Variants in DCC observed in about 807,000 individuals in gnomAD.
DCC encodes the protein DCC netrin 1 receptor, also known as netrin receptor DCC.
In DCC, 58 loss-of-function variants were observed where a neutral mutation model predicts 172.5. The observed-to-expected ratio is 0.34, with a 90% CI of 0.27 to 0.42. The LOEUF (loss-of-function observed/expected upper bound fraction) is 0.42. Ranked by LOEUF, DCC falls within the 10% of genes least tolerant of loss-of-function variation. The probability of loss-of-function intolerance (pLI) is 1.00; values close to 1 mark genes in which losing one functional copy is unlikely to be tolerated. For synonymous variants in DCC, 709 were observed against 644.5 expected (o/e 1.10, Z -1.52); for missense variants, 1,740 against 1,791.0 (o/e 0.97, Z 0.51).
At chr18:53,394,347 A>G (rs190118667) in intron 17 of DCC, among the ~76,000 whole-genome samples, 1 of 152,318 alleles carries the variant, frequency 6.6e-6, no homozygotes, top group East Asian at 1.9e-4. Context: ...CTAGAGCAGG[A>G]TCTCAGGTGA....
chr18:52,883,152 G>A (rs2039511935), intron 2 of DCC, among the ~76,000 whole-genome samples: 1 of 151,896 alleles, frequency 6.6e-6, no homozygotes, highest in African/African-American at 2.4e-5. Context: ...CTTTACAGGT[G>A]AGATGTGGTT....
intron 9 of DCC, among the ~76,000 whole-genome samples, chr18:53,189,370 T>C (rs2055333594): frequency 6.6e-6 from 1 of 152,016 alleles, no homozygotes; most frequent in Non-Finnish European, 1.5e-5. Flanking sequence ...TCAATGTTAG[T>C]AAGTTTTCAC....
intron 9 of DCC, among the ~76,000 whole-genome samples, chr18:53,180,195 C>A (rs2055173338): frequency 6.6e-6 from 1 of 152,130 alleles, no homozygotes; most frequent in Non-Finnish European, 1.5e-5. Context: ...AGTGCACTTT[C>A]CACAGAATCT....
At chr18:52,843,978 A>G (rs1482724489) in intron 2 of DCC, among the ~76,000 whole-genome samples, 1 of 152,136 alleles carries the variant, frequency 6.6e-6, no homozygotes, top group Non-Finnish European at 1.5e-5. Flanking sequence ...TATGATGCTG[A>G]TAAACATCGC....
intron 5 of DCC, among the ~76,000 whole-genome samples, chr18:52,975,638 G>A (rs774992806): frequency 1.3e-5 from 2 of 152,074 alleles, no homozygotes; most frequent in Admixed American, 6.6e-5. Flanking sequence ...GTGTTAGTTT[G>A]CTAAGGATAA....
intron 7 of DCC, among the ~76,000 whole-genome samples, chr18:53,151,926 A>C (rs1004595971): frequency 6.6e-6 from 1 of 152,122 alleles, no homozygotes; most frequent in African/African-American, 2.4e-5. Context: ...AAACTTAACT[A>C]TCATTTAGGT....
chr18:52,662,037 T>A (rs996721597), intron 1 of DCC, among the ~76,000 whole-genome samples: 1 of 152,112 alleles, frequency 6.6e-6, no homozygotes, highest in African/African-American at 2.4e-5. Context: ...AGAAGACAAA[T>A]ATAGAATGTA....
chr18:53,107,513 C>T (rs995825285), intron 7 of DCC, among the ~76,000 whole-genome samples: 2 of 123,434 alleles, frequency 1.6e-5, no homozygotes, highest in Non-Finnish European at 3.3e-5. Context: ...TTACTTCAAA[C>T]TTTGATCCAA....
intron 1 of DCC, among the ~76,000 whole-genome samples, chr18:52,677,739 A>G (rs2035671188): frequency 6.6e-6 from 1 of 152,038 alleles, no homozygotes; most frequent in South Asian, 2.1e-4. Flanking sequence ...AAGAAAAAAA[A>G]TTTCTTTCTG....
chr18:52,497,293 A>G (rs370013915), intron 1 of DCC, among the ~76,000 whole-genome samples: 6,849 of 29,512 alleles, frequency 0.23, 1,449 homozygotes, highest in East Asian at 0.53. Flanking sequence ...ATATATATAT[A>G]TATATATATA....
intron 1 of DCC, among the ~76,000 whole-genome samples, chr18:52,594,008 T>A (rs1408889615): frequency 6.6e-6 from 1 of 152,202 alleles, no homozygotes; most frequent in Admixed American, 6.5e-5. Flanking sequence ...CAAGGCCATG[T>A]GTTTCAATAT....
intron 1 of DCC, among the ~76,000 whole-genome samples, chr18:52,563,925 C>T (rs1047208934): frequency 1.7e-4 from 26 of 152,104 alleles, no homozygotes; most frequent in African/African-American, 5.8e-4. Flanking sequence ...GTGTTCTAGT[C>T]AATTGACTTG....
intron 5 of DCC, among the ~76,000 whole-genome samples, chr18:52,998,778 A>T (rs773042974): frequency 3.3e-5 from 5 of 151,960 alleles, no homozygotes; most frequent in Admixed American, 6.6e-5. Context: ...TTTTACTGAA[A>T]CTAATGTAGC....
At chr18:52,389,127 G>C (rs1985932989) in intron 1 of DCC, among the ~76,000 whole-genome samples, 1 of 152,176 alleles carries the variant, frequency 6.6e-6, no homozygotes, top group South Asian at 2.1e-4. Context: ...GAGTCACTCT[G>C]TGCTTCCATT....
intron 7 of DCC, among the ~76,000 whole-genome samples, chr18:53,148,157 T>C (rs2043943533): frequency 6.6e-6 from 1 of 152,218 alleles, no homozygotes; most frequent in Non-Finnish European, 1.5e-5. Context: ...CAAAGGAAAT[T>C]GCAGGGAGAA....
intron 7 of DCC, among the ~76,000 whole-genome samples, chr18:53,136,982 G>A (rs2043753277): frequency 1.3e-5 from 2 of 152,182 alleles, no homozygotes; most frequent in Admixed American, 6.5e-5. Context: ...CCATTCGGAA[G>A]ACATTTGAGT....
chr18:52,786,313 C>A (rs2037658463), intron 2 of DCC, among the ~76,000 whole-genome samples: 1 of 151,968 alleles, frequency 6.6e-6, no homozygotes, highest in Non-Finnish European at 1.5e-5. Flanking sequence ...TTCCAAGCTG[C>A]AGGAAATCAC....
intron 5 of DCC, among the ~76,000 whole-genome samples, chr18:52,996,594 G>C (rs2041483558): frequency 6.6e-6 from 1 of 151,784 alleles, no homozygotes; most frequent in African/African-American, 2.4e-5. Context: ...GTTTTGTGTT[G>C]CAGTCACTGA....
rs185158753 is a variant in DCC at position 52,847,599 on chromosome 18, G to A, written c.413-58445G>A. On this transcript the variant is annotated intron_variant, in intron 2 of 28. Transcript: ENST00000442544. ...TATATAAAGATCGTACCATCACTTC[G>A]TCTCTGTAACCACGTTCCCTCCCTC... 2.1e-3 allele frequency among the ~76,000 whole-genome samples: 323 copies of A among 152,200 alleles called. 6 individuals carry two copies. Among genetic ancestry groups the A allele is most frequent in the Admixed American group, 0.019 (287 of 15,278 alleles).
Sources: gnomAD v4.1 joint callset for allele counts (sites outside exome capture counted in the v4.1 genomes callset) on GRCh38, gnomAD v4.1.1 for gene constraint, MANE v1.5 for transcripts, NCBI Gene and HGNC (gene_info 2026-07-23, HGNC 2026-07-21) for gene names.